The following C19orf38 variants were observed in gnomAD, a reference collection of about 807,000 sequenced individuals.
C19orf38 encodes protein HIDE1.
C19orf38 carries 14 observed loss-of-function variants against 26.6 expected under a neutral mutation model. The observed-to-expected ratio is 0.53, with a 90% CI of 0.35 to 0.82. C19orf38 has a LOEUF of 0.82. C19orf38 is among the 40% of genes least tolerant of loss of function. C19orf38 has a pLI of 0.01. For synonymous variants in C19orf38, 132 were observed against 128.5 expected (o/e 1.03, Z -0.18); for missense variants, 261 against 299.5 (o/e 0.87, Z 0.95).
At chr19:10,861,235 C>T (rs899298963) in intron 5 of C19orf38, among the ~76,000 whole-genome samples, 1 of 152,238 alleles carries the variant, frequency 6.6e-6, no homozygotes, top group Non-Finnish European at 1.5e-5. Flanking sequence ...CGGCCAGCTC[C>T]ATGGGGAAAG....
At chr19:10,865,007 G>A (rs2073738188) in intron 6 of C19orf38, among the ~76,000 whole-genome samples, 1 of 152,172 alleles carries the variant, frequency 6.6e-6, no homozygotes, top group South Asian at 2.1e-4. Context: ...GCCCTCTGAG[G>A]TCTCTGCTTC....
chr19:10,841,781 TG>T, intron 1 of C19orf38: 1 of 927,976 alleles, frequency 1.1e-6, no homozygotes, highest in Non-Finnish European at 1.7e-6. Flanking sequence ...CCGACTAGCC[TG>T]GGCAGCATAG....
Position 10,869,385 on chromosome 19 carries a change from C to G in C19orf38, c.*18C>G. The G allele has an allele frequency of 6.5e-7, 1 of 1,540,812 alleles. No individual in the cohort carries two copies. Reference sequence around the variant, plus strand: ...GCCAGTGAGGCTGAGGACTGGGGGACCCCTCTGTCTCCAGGCATTCGGGGG... The same window carrying G: ...GCCAGTGAGGCTGAGGACTGGGGGAGCCCTCTGTCTCCAGGCATTCGGGGG... On this transcript the variant is annotated 3_prime_UTR_variant, in exon 7 of 7. Transcript: ENST00000397820.
upstream of C19orf38, among the ~76,000 whole-genome samples, chr19:10,847,437 G>A (rs895619750): frequency 6.7e-6 from 1 of 148,260 alleles, no homozygotes; most frequent in African/African-American, 2.5e-5. Context: ...GCAATGGCGC[G>A]ATCTCAACTC....
upstream of C19orf38, among the ~76,000 whole-genome samples, chr19:10,847,828 G>A (rs1454499566): frequency 6.6e-6 from 1 of 152,162 alleles, no homozygotes; most frequent in Non-Finnish European, 1.5e-5. Flanking sequence ...GCTATGGTTT[G>A]TGTCTTGGGC....
intron 4 of C19orf38, 109 bp downstream of exon 4, chr19:10,858,452 T>C (rs1238188177): frequency 9.3e-7 from 1 of 1,071,314 alleles, no homozygotes; most frequent in East Asian, 2.6e-5. Flanking sequence ...CTGGTGGGCA[T>C]GCTGCGTAAT....
chr19:10,848,605 C>T, intron 1 of C19orf38, 66 bp downstream of exon 1: 1 of 1,403,744 alleles, frequency 7.1e-7, no homozygotes, highest in Non-Finnish European at 9.6e-7. Context: ...CACCTTGCCG[C>T]TCCAGGGGCA....
upstream of C19orf38, among the ~76,000 whole-genome samples, chr19:10,846,943 T>C (rs144963603): frequency 1.3e-5 from 2 of 152,294 alleles, no homozygotes; most frequent in East Asian, 1.9e-4. Context: ...GTTGACAGAA[T>C]TGTGTTCCAG....
chr19:10,848,292 C>A (rs781179781), upstream of C19orf38: 1 of 535,064 alleles, frequency 1.9e-6, no homozygotes, highest in Non-Finnish European at 3.4e-6. Context: ...CAGAGAGGTG[C>A]GCGGGTCTGA....
chr19:10,859,240 A>G (rs1212073960), intron 4 of C19orf38, among the ~76,000 whole-genome samples: 2 of 85,048 alleles, frequency 2.4e-5, no homozygotes, highest in Non-Finnish European at 4.5e-5. Flanking sequence ...CCTGGCTTTT[A>G]TATATGTGTG....
intron 3 of C19orf38, among the ~76,000 whole-genome samples, chr19:10,857,308 GTA>G (rs1159935451): frequency 8.9e-6 from 1 of 112,726 alleles, no homozygotes; most frequent in African/African-American, 3.6e-5. Context: ...ATATATGTGT[GTA>G]TATATATACA....
At chr19:10,847,397 G>T (rs888234749), upstream of C19orf38, among the ~76,000 whole-genome samples, 10 of 142,256 alleles carry the variant, frequency 7.0e-5, no homozygotes, top group Admixed American at 3.5e-4. Flanking sequence ...TTTTGAGATG[G>T]AATTTCACTC....
intron 5 of C19orf38, among the ~76,000 whole-genome samples, chr19:10,861,523 G>A (rs2073698702): frequency 6.6e-6 from 1 of 152,156 alleles, no homozygotes; most frequent in Non-Finnish European, 1.5e-5. Flanking sequence ...GAAACAGCCC[G>A]TGATGGCACC....
rs138280765 is a variant in C19orf38, at chr19:10,863,295, G to A, written c.543+88G>A. The A allele has an allele frequency of 2.8e-4, 401 of 1,407,870 alleles. 3 individuals are homozygous for A. The African/African-American group carries it at 4.6e-3, about 16-fold the overall frequency. The allele number at this position is 1,407,870 out of a possible 1,614,324, so 87.2% of individuals were successfully genotyped here. ...GGCTCAAGGGGCACCACGAGGCTAA[G>A]TTGACCTGCTGTCTCTAAGCTGCGG... On this transcript the variant is annotated intron_variant, in intron 6 of 6. Transcript: ENST00000397820.
chr19:10,866,335 C>T lies in C19orf38; in HGVS notation c.544-2883C>T, dbSNP rs995187331. Among the ~76,000 whole-genome samples, 7 of 149,810 alleles carry T rather than the reference C, an allele frequency of 4.7e-5. No individual in the cohort carries two copies. In the East Asian group the frequency reaches 5.9e-4, roughly 13 times the overall value. ...CCTGCCGAGTAGCTGGGATTACAGG[C>T]GAGCGCCAGCATGCCCAGCTAATTT... On this transcript the variant is annotated intron_variant, in intron 6 of 6. Coordinates refer to ENST00000397820, the MANE Select transcript of C19orf38 (RefSeq NM_001136482.3).
intron 2 of C19orf38, among the ~76,000 whole-genome samples, chr19:10,852,227 G>A (rs1273165737): frequency 6.6e-6 from 1 of 152,008 alleles, no homozygotes; most frequent in African/African-American, 2.4e-5. Context: ...GGCCTCCAGA[G>A]TAGCTGGGAT....
At chr19:10,838,169 T>G (rs539605606) in intron 1 of C19orf38, among the ~76,000 whole-genome samples, 1 of 152,242 alleles carries the variant, frequency 6.6e-6, no homozygotes, top group Admixed American at 6.5e-5. Flanking sequence ...CCAACACTTT[T>G]GGAGGCCAAG....
chr19:10,845,151 C>A (rs1000480887), upstream of C19orf38, among the ~76,000 whole-genome samples: 6 of 150,660 alleles, frequency 4.0e-5, no homozygotes, highest in South Asian at 2.1e-4. Context: ...GAAAGCAAGA[C>A]CTTGTCTCCA....
At chr19:10,859,244 A>ATGTGTGTGTGTGTGTGTGTGTG (rs35791729) in intron 4 of C19orf38, among the ~76,000 whole-genome samples, 1 of 119,392 alleles carries the variant, frequency 8.4e-6, no homozygotes, top group African/African-American at 3.2e-5. Context: ...GCTTTTATAT[A>ATGTGTGTGTGTGTGTGTGTGTG]TGTGTGTGTG....
Sources: gnomAD v4.1 joint callset for allele counts (sites outside exome capture counted in the v4.1 genomes callset) on GRCh38, gnomAD v4.1.1 for gene constraint, MANE v1.5 for transcripts, NCBI Gene and HGNC (gene_info 2026-07-23, HGNC 2026-07-21) for gene names.